The following ALPK3 variants were observed in gnomAD, a reference collection of about 807,000 sequenced individuals.
The protein encoded by ALPK3 is alpha kinase 3.
In ALPK3, 102 loss-of-function variants were observed where a neutral mutation model predicts 140.0. That is an observed-to-expected ratio of 0.73 (90% CI 0.62 to 0.86). The LOEUF is 0.86. Ranked by LOEUF, ALPK3 falls within the 40% of genes least tolerant of loss-of-function variation. The probability of loss-of-function intolerance (pLI) is 0.00; values close to 1 mark genes in which losing one functional copy is unlikely to be tolerated. For synonymous variants in ALPK3, 938 were observed against 898.5 expected (o/e 1.04, Z -0.79); for missense variants, 2,254 against 2,208.2 (o/e 1.02, Z -0.42).
At chr15:84,854,768 T>A (rs1963841780) in intron 5 of ALPK3, among the ~76,000 whole-genome samples, 1 of 152,258 alleles carries the variant, frequency 6.6e-6, no homozygotes, top group Non-Finnish European at 1.5e-5. Flanking sequence ...TCGTGCTGGC[T>A]GTGTTGTTTC....
Position 84,840,081 on chromosome 15 carries a change from A to G in ALPK3, c.802A>G (p.Ser268Gly), listed in dbSNP as rs773064818. The G allele has an allele frequency of 1.9e-6, 3 of 1,614,052 alleles. No individual in the cohort carries two copies. Among genetic ancestry groups the G allele is most frequent in the Non-Finnish European group, 2.5e-6 (3 of 1,179,996 alleles). Residue 268 changes from serine to glycine, a missense_variant, in exon 5 of 14, where the codon AGT becomes GGT. This residue lies in a region of ALPK3 where 2,088 missense variants were observed against 2,022.9 expected (regional missense o/e 1.03). Coordinates refer to ENST00000258888, the MANE Select transcript of ALPK3 (RefSeq NM_020778.5). ...GCACTCAGGTTTGGGCCTGATCAAC[A>G]GTTTTGCTTCTGGAGAAGTGACCAC... ...AQHSGLGLIN[S>G]FASGEVTTNG...
chr15:84,868,829 G>T lies in ALPK3; in HGVS notation c.*373G>T. 4.0e-6 allele frequency: 1 copy of T among 248,048 alleles called. No homozygotes were observed. Among genetic ancestry groups the T allele is most frequent in the East Asian group, 8.7e-5 (1 of 11,512 alleles). The allele number at this position is 248,048 out of a possible 1,614,324, so 15.4% of individuals were successfully genotyped here. A position where few individuals can be genotyped will look rare whatever the true frequency, so the allele number is the denominator to read the frequency against. ...CTTGCCCCAGCCCAGTCCAGCAGCA[G>T]ATGTTACAATCTGAGTGAGGACATG... On this transcript the variant is annotated 3_prime_UTR_variant, in exon 14 of 14. Coordinates refer to ENST00000258888, the MANE Select transcript of ALPK3 (RefSeq NM_020778.5).
rs1963919884 is a variant in ALPK3, at chr15:84,859,784, A to T, written c.3974A>T (p.Asp1325Val). The change falls in exon 8 of 14, where the codon GAT (aspartate) becomes GTT (valine). Residue 1325 changes from aspartate (D) to valine (V), a missense_variant. By Grantham distance (152) the Asp-to-Val change is radical. This residue lies in a region of ALPK3 where 2,088 missense variants were observed against 2,022.9 expected (regional missense o/e 1.03). Transcript: ENST00000258888. ...PVGEVGRSAGDEGPAALAIVQ... is the reference protein window; with the variant it reads ...PVGEVGRSAGVEGPAALAIVQ... ...GGGTCTCCACTCTGCAGCGCAGGGGATGAGGGGCCGGCGGCCTTGGCCATC... is the reference window on the plus strand; with the variant it reads ...GGGTCTCCACTCTGCAGCGCAGGGGTTGAGGGGCCGGCGGCCTTGGCCATC... The T allele has an allele frequency of 1.2e-6, 2 of 1,612,156 alleles. No homozygotes were observed. The highest frequency in any genetic ancestry group is 1.7e-6 in the Non-Finnish European group (2 of 1,179,770).
At chr15:84,850,737 A>G (rs750765452) in intron 5 of ALPK3, among the ~76,000 whole-genome samples, 15 of 152,168 alleles carry the variant, frequency 9.9e-5, no homozygotes, top group Non-Finnish European at 1.9e-4. Context: ...AGGGAAAAAG[A>G]CAGCATGGCA....
At chr15:84,867,612 C>T (rs1304058594) in intron 13 of ALPK3, among the ~76,000 whole-genome samples, 1 of 152,118 alleles carries the variant, frequency 6.6e-6, no homozygotes, top group Non-Finnish European at 1.5e-5. Context: ...ACATACTCCT[C>T]CCCTCTCGCT....
At chr15:84,825,565 G>A (rs1963477602) in intron 2 of ALPK3, among the ~76,000 whole-genome samples, 2 of 152,188 alleles carry the variant, frequency 1.3e-5, no homozygotes, top group Admixed American at 1.3e-4. Context: ...TAGCTGAAAT[G>A]ATTTCCTTAG....
At chr15:84,842,303 G>A (rs1443668257) in intron 5 of ALPK3, among the ~76,000 whole-genome samples, 1 of 152,252 alleles carries the variant, frequency 6.6e-6, no homozygotes, top group Non-Finnish European at 1.5e-5. Context: ...CAAAATGTTG[G>A]GATTACAGGC....
rs1402013349 is a variant in ALPK3, at chr15:84,857,414, G to T, written c.2676G>T (p.Gly892=). The T allele has an allele frequency of 3.7e-6, 6 of 1,613,936 alleles. No individual in the cohort carries two copies. The African/African-American group carries it at 5.3e-5, about 14-fold the overall frequency. Residue 892 remains glycine (G), a synonymous_variant, in exon 6 of 14, where the codon GGG becomes GGT. Transcript: ENST00000258888. ...GPCSTPTSQH[G]STATFLPSED... The stretch of plus-strand genomic sequence containing the variant: ...GTAGCACCCCGACTTCTCAGCACGG[G>T]AGCACAGCCACCTTCCTGCCCTCTG...
Position 84,858,157 on chromosome 15 carries a change from A to T in ALPK3, c.3419A>T (p.Glu1140Val), listed in dbSNP as rs758605573. The T allele has an allele frequency of 6.2e-7, 1 of 1,608,598 alleles. No homozygotes were observed. The highest frequency in any genetic ancestry group is 1.3e-5 in the African/African-American group (1 of 74,650). The change falls in exon 6 of 14, where the codon GAG (glutamate) becomes GTG (valine). Residue 1140 changes from glutamate to valine, a missense_variant. Coordinates refer to ENST00000258888, the MANE Select transcript of ALPK3 (RefSeq NM_020778.5). ...AGCATAGCCCAGGAGCCCTCCCAAG[A>T]GGAGAAGTTCCCAGGGGAGGCTCTG... Reference protein sequence around the residue: ...AESIAQEPSQEEKFPGEALTG... With the variant: ...AESIAQEPSQVEKFPGEALTG...
In ALPK3 at chr15:84,859,711, G is replaced by A; in HGVS notation, c.3966-65G>A. The A allele has an allele frequency of 2.6e-6, 4 of 1,524,536 alleles. No individual in the cohort carries two copies. In the African/African-American group the frequency reaches 5.5e-5, roughly 21 times the overall value. 94.4% of individuals were successfully genotyped at this position (1,524,536 alleles called of 1,614,324 possible). On this transcript the variant is annotated intron_variant, in intron 7 of 13. Coordinates refer to ENST00000258888, the MANE Select transcript of ALPK3 (RefSeq NM_020778.5). ...AGCAGCCTCTGAGAGTGGGGTCCAA[G>A]GACGCTTAGGACCACAGTCTGCCCC...
Position 84,859,171 on chromosome 15 carries a change from G to C in ALPK3, c.3818-72G>C, listed in dbSNP as rs1963906839. ...GTTTTCTCCCAGCCTTTTCCACCAA[G>C]GACACCCAGGAGAGCAAGGATATGG... is the stretch of plus-strand genomic sequence containing the variant. On this transcript the variant is annotated intron_variant, in intron 6 of 13. Transcript: ENST00000258888. 8 of 1,587,010 alleles carry C rather than the reference G, an allele frequency of 5.0e-6. No homozygotes were observed. In the African/African-American group the frequency reaches 9.5e-5, roughly 19 times the overall value.
rs962765876 is a variant in ALPK3 at position 84,840,689 on chromosome 15, G to T, written c.1410G>T (p.Leu470Phe). The change falls in exon 5 of 14, where the codon TTG (leucine) becomes TTT (phenylalanine). Residue 470 changes from leucine to phenylalanine, a missense_variant. Transcript: ENST00000258888. ...CTCCTGGCCAGCCCACACACTCCTT[G>T]ACCCCCCAGCCGACTAGGCCTTTCA... ...PGAPGQPTHS[L>F]TPQPTRPFNR... The T allele has an allele frequency of 1.2e-6, 2 of 1,606,736 alleles. No individual in the cohort carries two copies. The highest frequency in any genetic ancestry group is 8.5e-7 in the Non-Finnish European group (1 of 1,176,526).
At chr15:84,846,935 A>G (rs1312681344) in intron 5 of ALPK3, among the ~76,000 whole-genome samples, 2 of 151,930 alleles carry the variant, frequency 1.3e-5, no homozygotes, top group African/African-American at 4.8e-5. Flanking sequence ...CACTTGGCTA[A>G]TTTTGTATTT....
Position 84,857,499 on chromosome 15 carries a change from C to CA in ALPK3, c.2762dup (p.Ser922GlufsTer12), listed in dbSNP as rs1414727496. On this transcript the variant is annotated frameshift_variant, in exon 6 of 14. Coordinates refer to ENST00000258888, the MANE Select transcript of ALPK3 (RefSeq NM_020778.5). LOFTEE classifies it high-confidence loss of function. ...GCACCTGGGGCTGGGGACCCCCACT[C>CA]AGAGTCACCCACCAGAAACCATGGC... The CA allele has an allele frequency of 1.9e-6, 3 of 1,601,470 alleles. No homozygotes were observed. Among genetic ancestry groups the CA allele is most frequent in the South Asian group, 2.2e-5 (2 of 89,124 alleles).
chr15:84,842,984 G>C (rs1963684428), intron 5 of ALPK3, among the ~76,000 whole-genome samples: 1 of 152,222 alleles, frequency 6.6e-6, no homozygotes, highest in Non-Finnish European at 1.5e-5. Context: ...TGGTGGCCAA[G>C]TGAGTGTGCA....
chr15:84,857,946 A>G lies in ALPK3; in HGVS notation c.3208A>G (p.Thr1070Ala). 1 of 1,608,754 alleles carries G rather than the reference A, an allele frequency of 6.2e-7. No homozygotes were observed. The highest frequency in any genetic ancestry group is 8.5e-7 in the Non-Finnish European group (1 of 1,178,180). Residue 1070 changes from threonine (T) to alanine (A), a missense_variant, in exon 6 of 14, where the codon ACT becomes GCT. This residue lies in a region of ALPK3 where 2,088 missense variants were observed against 2,022.9 expected (regional missense o/e 1.03). Transcript: ENST00000258888. ...GSWGPGPSSL[T>A]VPAIVVDEED... ...CTGGGGTCCTGGTCCCAGCTCCCTC[A>G]CTGTCCCTGCCATTGTGGTAGACGA...
At chr15:84,825,800 T>C (rs770067872) in intron 2 of ALPK3, among the ~76,000 whole-genome samples, 3 of 152,376 alleles carry the variant, frequency 2.0e-5, no homozygotes, top group Admixed American at 6.5e-5. Flanking sequence ...GTTAGTATGA[T>C]AGCAGCAAGA....
In ALPK3 at chr15:84,862,688, T is replaced by A. The variant is rs763657846; in HGVS notation, c.4183T>A (p.Ser1395Thr). ...PMVFAKGLAD[S>T]GCWGDKLFGR... ...GGTGTTTGCTAAGGGTCTGGCTGACTCTGGCTGCTGGGGGGACAAGCTCTT... is the reference window on the plus strand; with the variant it reads ...GGTGTTTGCTAAGGGTCTGGCTGACACTGGCTGCTGGGGGGACAAGCTCTT... Residue 1395 changes from serine (S) to threonine (T), a missense_variant, in exon 10 of 14, where the codon TCT (serine) becomes ACT (threonine). By Grantham distance (58) the Ser-to-Thr change is moderately conservative. This residue lies in a region of ALPK3 where 2,088 missense variants were observed against 2,022.9 expected (regional missense o/e 1.03). Transcript: ENST00000258888. 1.2e-6 allele frequency: 2 copies of A among 1,614,134 alleles called. No homozygotes were observed. The highest frequency in any genetic ancestry group is 1.7e-6 in the Non-Finnish European group (2 of 1,180,002).
intron 5 of ALPK3, among the ~76,000 whole-genome samples, chr15:84,847,372 C>A (rs1292369207): frequency 6.6e-6 from 1 of 152,050 alleles, no homozygotes; most frequent in Non-Finnish European, 1.5e-5. Flanking sequence ...AAAAAAATAT[C>A]TGAAGGAATA....
Sources: allele counts gnomAD v4.1 joint callset (sites outside exome capture counted in the v4.1 genomes callset), GRCh38; gene constraint gnomAD v4.1.1; regional missense constraint gnomAD v4.1.1; transcripts MANE v1.5; gene names NCBI Gene and HGNC (gene_info 2026-07-23, HGNC 2026-07-21).